Variants in SNTB2 observed in about 807,000 individuals in gnomAD.
The protein encoded by SNTB2 is beta-2-syntrophin.
In SNTB2, 34 loss-of-function variants were observed where a neutral mutation model predicts 46.2. That is an observed-to-expected ratio of 0.74 (90% CI 0.56 to 0.98). SNTB2 has a LOEUF of 0.98. SNTB2 is among the 50% of genes least tolerant of loss of function. The probability of loss-of-function intolerance (pLI) is 0.00; values close to 1 mark genes in which losing one functional copy is unlikely to be tolerated. For synonymous variants in SNTB2, 290 were observed against 312.6 expected (o/e 0.93, Z 0.76); for missense variants, 603 against 731.4 (o/e 0.82, Z 2.02).
In SNTB2 at chr16:69,303,222, A is replaced by G. The variant is rs1965291301; in HGVS notation, c.*2298A>G. 6.6e-6 allele frequency: 1 copy of G among 152,194 alleles called. No individual in the cohort carries two copies. The highest frequency in any genetic ancestry group is 2.1e-4 in the South Asian group (1 of 4,824). 9.4% of individuals were successfully genotyped at this position (152,194 alleles called of 1,614,324 possible). A position where few individuals can be genotyped will look rare whatever the true frequency, so the allele number is the denominator to read the frequency against. On this transcript the variant is annotated 3_prime_UTR_variant, in exon 7 of 7. Coordinates refer to ENST00000336278, the MANE Select transcript of SNTB2 (RefSeq NM_006750.4). ...AAAATCTCTTGAACGTCCAGAAATGATTTCTGGAATCAGAATTTCAATATG... is the reference window on the plus strand; with the variant it reads ...AAAATCTCTTGAACGTCCAGAAATGGTTTCTGGAATCAGAATTTCAATATG...
At chr16:69,244,121 A>AC (rs761126918) in intron 1 of SNTB2, among the ~76,000 whole-genome samples, 25 of 152,196 alleles carry the variant, frequency 1.6e-4, no homozygotes, top group Non-Finnish European at 3.5e-4. Context: ...AGAACAGTTA[A>AC]GTGCGGTCAC....
In SNTB2 at chr16:69,243,654, C is replaced by A. The variant is rs370526407; in HGVS notation, c.581-1948C>A. ...AGCATGCCTCTGCCATTTGCAGTAA[C>A]TGGAAACCTTAGGAATTTCTGCCAA... On this transcript the variant is annotated intron_variant, in intron 1 of 6. Coordinates refer to ENST00000336278, the MANE Select transcript of SNTB2 (RefSeq NM_006750.4). Among the ~76,000 whole-genome samples the A allele has an allele frequency of 5.3e-5, 8 of 152,144 alleles. No homozygotes were observed. The East Asian group carries it at 1.5e-3, about 29-fold the overall frequency.
chr16:69,221,851 A>T (rs2152293709), intron 1 of SNTB2, among the ~76,000 whole-genome samples: 1 of 152,298 alleles, frequency 6.6e-6, no homozygotes, highest in South Asian at 2.1e-4. Context: ...GCTTGAATTC[A>T]GATCTTGGTT....
chr16:69,208,236 G>A (rs1206990978), intron 1 of SNTB2, among the ~76,000 whole-genome samples: 2 of 151,438 alleles, frequency 1.3e-5, no homozygotes, highest in African/African-American at 4.9e-5. Context: ...GAGAAACCCT[G>A]TCTCTACTAA....
At chr16:69,256,617 A>G (rs986078532) in intron 2 of SNTB2, among the ~76,000 whole-genome samples, 5 of 152,052 alleles carry the variant, frequency 3.3e-5, no homozygotes, top group Admixed American at 1.3e-4. Context: ...AATATCCTCA[A>G]TGTTGATGCA....
Position 69,306,889 on chromosome 16 carries a change from A to T in SNTB2, c.*5965A>T, listed in dbSNP as rs961524615. 1 of 152,302 alleles carries T rather than the reference A, an allele frequency of 6.6e-6. No homozygotes were observed. The highest frequency in any genetic ancestry group is 6.5e-5 in the Admixed American group (1 of 15,286). The allele number at this position is 152,302 out of a possible 1,614,324, so 9.4% of individuals were successfully genotyped here. A position where few individuals can be genotyped will look rare whatever the true frequency, so the allele number is the denominator to read the frequency against. ...GAGGCAGAAGTTGCAGTGAGCTGAG[A>T]TCATGCCATTGCACTCCAGCCTGGG... is the stretch of plus-strand genomic sequence containing the variant. On this transcript the variant is annotated 3_prime_UTR_variant, in exon 7 of 7. Coordinates refer to ENST00000336278, the MANE Select transcript of SNTB2 (RefSeq NM_006750.4).
chr16:69,188,318 A>C (rs74960998), intron 1 of SNTB2, among the ~76,000 whole-genome samples: 1 of 152,130 alleles, frequency 6.6e-6, no homozygotes, highest in Non-Finnish European at 1.5e-5. Context: ...TGGTTAACGA[A>C]CCTTGTTTAA....
At chr16:69,265,118 G>A (rs1330183893) in intron 3 of SNTB2, among the ~76,000 whole-genome samples, 6 of 152,064 alleles carry the variant, frequency 3.9e-5, no homozygotes, top group Non-Finnish European at 8.8e-5. Flanking sequence ...GTGTGGTGGC[G>A]GGCGCCTGTA....
intron 1 of SNTB2, among the ~76,000 whole-genome samples, chr16:69,229,866 C>G (rs946537400): frequency 1.4e-5 from 2 of 142,010 alleles, no homozygotes; most frequent in Non-Finnish European, 3.0e-5. Context: ...AAACTCACTT[C>G]AGCCTTGAAC....
intron 5 of SNTB2, among the ~76,000 whole-genome samples, chr16:69,298,162 G>T (rs528940129): frequency 6.6e-6 from 1 of 151,978 alleles, no homozygotes; most frequent in Non-Finnish European, 1.5e-5. Context: ...GTTCTCTAGC[G>T]CCTGGCCTCA....
chr16:69,284,270 A>G, intron 5 of SNTB2, 26 bp downstream of exon 5: 1 of 1,568,090 alleles, frequency 6.4e-7, no homozygotes, highest in Non-Finnish European at 8.7e-7. Context: ...TTTTATTTCT[A>G]GTAGTAATTA....
Position 69,241,168 on chromosome 16 carries a change from C to CTTT in SNTB2, c.581-4410_581-4408dup, listed in dbSNP as rs747664809. ...AGCCACCGTGCCCGGCCTGGATAAG[C>CTTT]TTTTTTTTTTTTTTTTTTTTTTTTT... On this transcript the variant is annotated intron_variant, in intron 1 of 6. Transcript: ENST00000336278. Among the ~76,000 whole-genome samples the CTTT allele has an allele frequency of 1.9e-3, 113 of 59,308 alleles. 5 individuals are homozygous for CTTT. Among genetic ancestry groups the CTTT allele is most frequent in the Non-Finnish European group, 2.5e-3 (81 of 32,620 alleles). The allele number at this position is 59,308 out of a possible 152,430, so 38.9% of individuals were successfully genotyped here.
At chr16:69,263,481 C>G (rs1401814498) in intron 3 of SNTB2, among the ~76,000 whole-genome samples, 2 of 149,798 alleles carry the variant, frequency 1.3e-5, no homozygotes, top group Admixed American at 6.8e-5. Context: ...TGCAATGATA[C>G]AATCTTGGCT....
At chr16:69,276,753 A>G (rs759334659) in intron 4 of SNTB2, among the ~76,000 whole-genome samples, 3 of 152,058 alleles carry the variant, frequency 2.0e-5, no homozygotes, top group Non-Finnish European at 4.4e-5. Flanking sequence ...CATATTGTTG[A>G]TATTTACACT....
intron 1 of SNTB2, among the ~76,000 whole-genome samples, chr16:69,199,717 GTGTCTTCATTTGT>G (rs1964141797): frequency 2.0e-5 from 3 of 151,780 alleles, no homozygotes; most frequent in Non-Finnish European, 4.4e-5. Flanking sequence ...GTACCTTGAG[GTGTCTTCATTTGT>G]TCTTTAGTGA....
At chr16:69,279,921 C>A (rs1429211619) in intron 4 of SNTB2, among the ~76,000 whole-genome samples, 1 of 151,626 alleles carries the variant, frequency 6.6e-6, no homozygotes, top group African/African-American at 2.4e-5. Context: ...GGGGATTTGG[C>A]AGGGTCATAG....
At chr16:69,209,543 T>C (rs1451744287) in intron 1 of SNTB2, among the ~76,000 whole-genome samples, 4 of 152,238 alleles carry the variant, frequency 2.6e-5, no homozygotes, top group Admixed American at 6.5e-5. Flanking sequence ...TCAGTAGACA[T>C]TGAATGAACA....
intron 4 of SNTB2, among the ~76,000 whole-genome samples, chr16:69,277,481 C>T (rs186487183): frequency 6.6e-6 from 1 of 152,044 alleles, no homozygotes; most frequent in South Asian, 2.1e-4. Flanking sequence ...CAAGGGAAAC[C>T]AGTTGATTTT....
chr16:69,237,327 A>G (rs2152295766), intron 1 of SNTB2, among the ~76,000 whole-genome samples: 1 of 152,336 alleles, frequency 6.6e-6, no homozygotes, highest in East Asian at 1.9e-4. Flanking sequence ...ACATATTGGA[A>G]TGGTCGAGCA....
Sources: allele counts gnomAD v4.1 joint callset (sites outside exome capture counted in the v4.1 genomes callset), GRCh38; gene constraint gnomAD v4.1.1; transcripts MANE v1.5; gene names NCBI Gene and HGNC (gene_info 2026-07-23, HGNC 2026-07-21).